CADPS2: variants seen among roughly 807,000 people sequenced by gnomAD.
CADPS2 encodes the protein calcium-dependent secretion activator 2.
In CADPS2, 93 loss-of-function variants were observed where a neutral mutation model predicts 172.5. The observed-to-expected ratio is 0.54, with a 90% CI of 0.46 to 0.64. The LOEUF (loss-of-function observed/expected upper bound fraction) is 0.64, where lower values mean the gene tolerates loss of function less well. Ranked by LOEUF, CADPS2 falls within the 30% of genes least tolerant of loss-of-function variation. The pLI is 0.00. For synonymous variants in CADPS2, 546 were observed against 555.2 expected (o/e 0.98, Z 0.23); for missense variants, 1,420 against 1,565.9 (o/e 0.91, Z 1.57).
chr7:122,818,672 C>A (rs1397671812), intron 1 of CADPS2, among the ~76,000 whole-genome samples: 3 of 152,134 alleles, frequency 2.0e-5, no homozygotes, highest in African/African-American at 4.8e-5. Context: ...TTTTTATCAC[C>A]TCCCCTCCTC....
chr7:122,877,940 AGTCCAG>A lies in CADPS2; in HGVS notation c.339+8053_339+8058del, dbSNP rs532962684. On this transcript the variant is annotated intron_variant, in intron 1 of 29. Coordinates refer to ENST00000449022, the MANE Select transcript of CADPS2 (RefSeq NM_017954.11). ...ACACGGTGAGTGAGTGAGAAGATGA[AGTCCAG>A]GCCCTCTGAAGCCAGTGCTTTCCTA... Among the ~76,000 whole-genome samples the A allele has an allele frequency of 8.8e-4, 134 of 152,256 alleles. 3 individuals are homozygous for A. The South Asian group carries it at 0.026, about 29-fold the overall frequency.
At chr7:122,599,110 T>C (rs1333357533) in intron 6 of CADPS2, among the ~76,000 whole-genome samples, 4 of 152,098 alleles carry the variant, frequency 2.6e-5, no homozygotes, top group Admixed American at 1.3e-4. Flanking sequence ...TTCCCAGGAA[T>C]GGGACCTGCT....
intron 20 of CADPS2, among the ~76,000 whole-genome samples, chr7:122,403,826 G>GA (rs1415458184): frequency 2.0e-5 from 3 of 151,952 alleles, no homozygotes; most frequent in Non-Finnish European, 2.9e-5. Flanking sequence ...TAGATGAATG[G>GA]AATATCATCA....
At chr7:122,543,469 TA>T (rs1364884090) in intron 8 of CADPS2, among the ~76,000 whole-genome samples, 3 of 152,134 alleles carry the variant, frequency 2.0e-5, no homozygotes, top group African/African-American at 7.2e-5. Flanking sequence ...TTTACTCATT[TA>T]TTGAGTCTGA....
chr7:122,629,196 A>C, intron 4 of CADPS2, 52 bp downstream of exon 4: 11 of 1,410,908 alleles, frequency 7.8e-6, no homozygotes, highest in African/African-American at 1.4e-5. Flanking sequence ...AGCTCACAGA[A>C]ATCTAGGTAA....
intron 1 of CADPS2, among the ~76,000 whole-genome samples, chr7:122,881,336 C>G (rs1182570165): frequency 6.6e-6 from 1 of 152,166 alleles, no homozygotes; most frequent in Non-Finnish European, 1.5e-5. Context: ...CTTAATCTGT[C>G]TGAGTTCTCA....
At chr7:122,802,064 G>A (rs1426761873) in intron 1 of CADPS2, among the ~76,000 whole-genome samples, 5 of 152,010 alleles carry the variant, frequency 3.3e-5, no homozygotes, top group African/African-American at 1.2e-4. Flanking sequence ...AAAGCTATAA[G>A]ATGTCTAAAC....
At chr7:122,838,211 C>G (rs541279047) in intron 1 of CADPS2, among the ~76,000 whole-genome samples, 1 of 152,238 alleles carries the variant, frequency 6.6e-6, no homozygotes, top group African/African-American at 2.4e-5. Context: ...CAGAAAAGGC[C>G]TTTGACAAAA....
chr7:122,847,088 CT>C (rs995525740), intron 1 of CADPS2, among the ~76,000 whole-genome samples: 9 of 151,612 alleles, frequency 5.9e-5, no homozygotes, highest in East Asian at 1.9e-4. Context: ...ACATTCATAC[CT>C]TTTTTTTTCT....
intron 2 of CADPS2, among the ~76,000 whole-genome samples, chr7:122,668,963 T>A (rs2081476922): frequency 6.6e-6 from 1 of 152,180 alleles, no homozygotes; most frequent in Admixed American, 6.5e-5. Context: ...GGTAAGCACC[T>A]CAGCAGCCAC....
chr7:122,502,080 T>A (rs1289901020), intron 9 of CADPS2, among the ~76,000 whole-genome samples: 1 of 152,034 alleles, frequency 6.6e-6, no homozygotes, highest in Admixed American at 6.6e-5. Context: ...TAGCACTGAG[T>A]CCATGATCAA....
At chr7:122,599,346 C>T (rs1474044249) in intron 6 of CADPS2, among the ~76,000 whole-genome samples, 1 of 151,956 alleles carries the variant, frequency 6.6e-6, no homozygotes, top group Non-Finnish European at 1.5e-5. Context: ...CTAGCAAGGG[C>T]TCAAACCAAG....
intron 20 of CADPS2, among the ~76,000 whole-genome samples, chr7:122,402,269 T>C (rs1350310099): frequency 6.6e-6 from 1 of 151,258 alleles, no homozygotes; most frequent in African/African-American, 2.5e-5. Context: ...AGGACTCTCT[T>C]GTCTTCCTTA....
chr7:122,464,090 C>CA (rs758614394), intron 14 of CADPS2, among the ~76,000 whole-genome samples: 3 of 152,228 alleles, frequency 2.0e-5, no homozygotes, highest in Non-Finnish European at 4.4e-5. Flanking sequence ...AACAAACAAA[C>CA]AACAACAATA....
intron 1 of CADPS2, among the ~76,000 whole-genome samples, chr7:122,878,882 A>G (rs1822078503): frequency 6.6e-6 from 1 of 152,132 alleles, no homozygotes; most frequent in African/African-American, 2.4e-5. Flanking sequence ...TAAATAGTTT[A>G]CCAAGGAAAT....
rs2031806567 is a variant in CADPS2 at position 122,318,752 on chromosome 7, T to C, written c.*1413A>G. The C allele has an allele frequency of 6.6e-6, 1 of 152,184 alleles. No individual in the cohort carries two copies. Among genetic ancestry groups the C allele is most frequent in the South Asian group, 2.1e-4 (1 of 4,830 alleles). 9.4% of individuals were successfully genotyped at this position (152,184 alleles called of 1,614,324 possible). ...CCAAAACAATGCTAAATAGTAACTG[T>C]AGATTAAATAGATTTTTAAGGCTAG... On this transcript the variant is annotated 3_prime_UTR_variant, in exon 30 of 30. Coordinates refer to ENST00000449022, the MANE Select transcript of CADPS2 (RefSeq NM_017954.11).
chr7:122,602,817 G>A (rs955385706), intron 6 of CADPS2, among the ~76,000 whole-genome samples: 1 of 152,012 alleles, frequency 6.6e-6, no homozygotes, highest in Admixed American at 6.6e-5. Flanking sequence ...ATAATATAAG[G>A]TTGGATTCAA....
At chr7:122,550,155 G>A (rs1163103889) in intron 8 of CADPS2, among the ~76,000 whole-genome samples, 5 of 152,194 alleles carry the variant, frequency 3.3e-5, no homozygotes, top group Admixed American at 6.6e-5. Context: ...AGCAGCCGGT[G>A]TGGGGCTTGT....
chr7:122,768,151 A>T (rs1321069295), intron 1 of CADPS2, among the ~76,000 whole-genome samples: 1 of 152,204 alleles, frequency 6.6e-6, no homozygotes, highest in African/African-American at 2.4e-5. Context: ...CAAGTTACTT[A>T]ATCAAGGACT....
Sources: gnomAD v4.1 joint callset for allele counts (sites outside exome capture counted in the v4.1 genomes callset) on GRCh38, gnomAD v4.1.1 for gene constraint, MANE v1.5 for transcripts, NCBI Gene and HGNC (gene_info 2026-07-23, HGNC 2026-07-21) for gene names.